MAGI3: variants seen among roughly 807,000 people sequenced by gnomAD.
MAGI3 encodes the protein membrane-associated guanylate kinase, WW and PDZ domain-containing protein 3.
In MAGI3, 43 loss-of-function variants were observed where a neutral mutation model predicts 121.8. The observed-to-expected ratio is 0.35, with a 90% CI of 0.28 to 0.46. MAGI3 has a LOEUF of 0.46. Among genes scored for constraint, MAGI3 ranks in the 20% least tolerant of loss-of-function variants. MAGI3 has a pLI of 1.00. For synonymous variants in MAGI3, 553 were observed against 639.3 expected (o/e 0.86, Z 2.04); for missense variants, 1,547 against 1,797.3 (o/e 0.86, Z 2.52).
At chr1:113,508,795 C>T (rs1657470347) in intron 1 of MAGI3, among the ~76,000 whole-genome samples, 1 of 152,146 alleles carries the variant, frequency 6.6e-6, no homozygotes, top group Non-Finnish European at 1.5e-5. Context: ...GCTTATCTTA[C>T]ATTGCTGCTC....
intron 1 of MAGI3, among the ~76,000 whole-genome samples, chr1:113,411,593 A>G (rs1651991992): frequency 6.6e-6 from 1 of 152,144 alleles, no homozygotes; most frequent in African/African-American, 2.4e-5. Flanking sequence ...TGATTATTAA[A>G]AAACTGCTGA....
intron 1 of MAGI3, chr1:113,450,069 T>C: frequency 1.3e-6 from 2 of 1,535,224 alleles, no homozygotes; most frequent in Non-Finnish European, 1.8e-6. Flanking sequence ...GAGAGACTTC[T>C]TTGAAAAGTA....
chr1:113,528,994 C>T (rs1024017567), intron 1 of MAGI3, among the ~76,000 whole-genome samples: 7 of 152,068 alleles, frequency 4.6e-5, no homozygotes, highest in South Asian at 4.1e-4. Context: ...TACTTGTTTT[C>T]GGTCAAAGTT....
At chr1:113,557,890 A>G (rs1034014173) in intron 2 of MAGI3, among the ~76,000 whole-genome samples, 1 of 152,140 alleles carries the variant, frequency 6.6e-6, no homozygotes, top group Non-Finnish European at 1.5e-5. Context: ...TGCAGACTTC[A>G]CTGGCAATAC....
Position 113,614,663 on chromosome 1 carries a change from G to A in MAGI3, c.1076+5G>A. On this transcript the variant is annotated splice_donor_5th_base_variant and intron_variant, in intron 7 of 20. Coordinates refer to ENST00000307546, the MANE Select transcript of MAGI3 (RefSeq NM_001142782.2). ...GTATGGGACATACTATGTTGAGTAA[G>A]TTTGTTACCTCAGTTAATATTCTCC... The A allele has an allele frequency of 6.3e-7, 1 of 1,593,028 alleles. No individual in the cohort carries two copies.
intron 9 of MAGI3, among the ~76,000 whole-genome samples, chr1:113,637,166 G>A (rs2101813449): frequency 6.6e-6 from 1 of 152,188 alleles, no homozygotes; most frequent in Admixed American, 6.5e-5. Flanking sequence ...ACACTGATGG[G>A]TCTTGACTCT....
At chr1:113,476,447 A>T (rs1282314012) in intron 1 of MAGI3, among the ~76,000 whole-genome samples, 1 of 152,198 alleles carries the variant, frequency 6.6e-6, no homozygotes, top group East Asian at 1.9e-4. Flanking sequence ...GTTTCAAAGA[A>T]CATCTTTCTT....
chr1:113,436,344 C>T (rs1269231191), intron 1 of MAGI3, among the ~76,000 whole-genome samples: 1 of 152,014 alleles, frequency 6.6e-6, no homozygotes, highest in Non-Finnish European at 1.5e-5. Flanking sequence ...CAGATTAAGA[C>T]ATGAAAACAT....
intron 6 of MAGI3, 63 bp downstream of exon 6, chr1:113,594,623 T>G: frequency 1.4e-6 from 2 of 1,420,446 alleles, no homozygotes; most frequent in Non-Finnish European, 1.9e-6. Context: ...CTCTTCTTGC[T>G]CAGATAATGG....
intron 2 of MAGI3, among the ~76,000 whole-genome samples, chr1:113,568,607 A>G (rs186805722): frequency 6.6e-6 from 1 of 152,258 alleles, no homozygotes; most frequent in East Asian, 1.9e-4. Flanking sequence ...TGATACCAGA[A>G]TGGTCAGTAG....
rs1177501009 is a variant in MAGI3 at position 113,541,308 on chromosome 1, T to C, written c.317-8207T>C. Among the ~76,000 whole-genome samples the C allele has an allele frequency of 3.3e-5, 5 of 152,348 alleles. No homozygotes were observed. The East Asian group carries it at 7.7e-4, about 23-fold the overall frequency. On this transcript the variant is annotated intron_variant, in intron 1 of 20. Transcript: ENST00000307546. ...TTTACTATTGCCATAATTCGTAATA[T>C]AGACGAAGAATGTGACCTTTGTTAG...
chr1:113,480,769 A>G (rs1014200361), intron 1 of MAGI3, among the ~76,000 whole-genome samples: 1 of 151,784 alleles, frequency 6.6e-6, no homozygotes, highest in African/African-American at 2.4e-5. Flanking sequence ...TTTTTTGTGC[A>G]TGGATTGTTG....
intron 6 of MAGI3, 128 bp downstream of exon 6, chr1:113,594,688 G>A (rs972268439): frequency 2.5e-5 from 14 of 566,078 alleles, no homozygotes; most frequent in African/African-American, 5.8e-5. Flanking sequence ...AGCAGTGGGT[G>A]GATATCATAA....
intron 2 of MAGI3, among the ~76,000 whole-genome samples, chr1:113,561,513 A>G (rs1660233149): frequency 6.6e-6 from 1 of 152,172 alleles, no homozygotes; most frequent in Non-Finnish European, 1.5e-5. Flanking sequence ...AAAGACAAAA[A>G]CCACGATTAT....
At chr1:113,649,120 G>T in intron 12 of MAGI3, 117 bp from the exon 13 acceptor site, 1 of 681,922 alleles carries the variant, frequency 1.5e-6, no homozygotes, top group Non-Finnish European at 2.3e-6. Flanking sequence ...ATATTAAAAA[G>T]TTCTGAGATT....
intron 1 of MAGI3, among the ~76,000 whole-genome samples, chr1:113,442,477 T>C (rs1023445121): frequency 6.6e-6 from 1 of 152,100 alleles, no homozygotes; most frequent in Non-Finnish European, 1.5e-5. Flanking sequence ...GGTTTTATTG[T>C]GGATAAGTCA....
chr1:113,585,406 C>G lies in MAGI3; in HGVS notation c.573C>G (p.Pro191=), dbSNP rs371029823. Residue 191 remains proline (P), a synonymous_variant, in exon 4 of 21, where the codon CCC becomes CCG. Coordinates refer to ENST00000307546, the MANE Select transcript of MAGI3 (RefSeq NM_001142782.2). ...CTTCAGGAAACTTCTATGGAACTCC[C>G]AAGCCTCCAGCAGAACCCAGCCCTT... The part of the protein sequence containing the change: ...GTYDGNFYGT[P]KPPAEPSPFQ... 1.2e-6 allele frequency: 2 copies of G among 1,613,964 alleles called. No homozygotes were observed. The highest frequency in any genetic ancestry group is 1.7e-6 in the Non-Finnish European group (2 of 1,179,932).
At chr1:113,446,857 C>T (rs1387687438) in intron 1 of MAGI3, among the ~76,000 whole-genome samples, 1 of 152,152 alleles carries the variant, frequency 6.6e-6, no homozygotes, top group African/African-American at 2.4e-5. Context: ...TATGCCACAA[C>T]ATGGATGAAT....
At chr1:113,462,953 A>C (rs1655104734) in intron 1 of MAGI3, among the ~76,000 whole-genome samples, 1 of 152,312 alleles carries the variant, frequency 6.6e-6, no homozygotes, top group African/African-American at 2.4e-5. Flanking sequence ...TAGATTTATG[A>C]AAGAGTCCAA....
Sources: gnomAD v4.1 joint callset for allele counts (sites outside exome capture counted in the v4.1 genomes callset) on GRCh38, gnomAD v4.1.1 for gene constraint, MANE v1.5 for transcripts, NCBI Gene and HGNC (gene_info 2026-07-23, HGNC 2026-07-21) for gene names.